LRGUK: variants seen among roughly 807,000 people sequenced by gnomAD.
LRGUK encodes leucine rich repeats and guanylate kinase domain containing.
In LRGUK, 65 loss-of-function variants were observed where a neutral mutation model predicts 76.0. The observed-to-expected ratio is 0.85, with a 90% CI of 0.70 to 1.05. The LOEUF is 1.05. LRGUK is among the 50% of genes least tolerant of loss of function. The pLI is 0.00. For missense variants in LRGUK, 758 were observed against 732.8 expected (o/e 1.03, Z -0.40); for synonymous variants, 268 against 265.6 (o/e 1.01, Z -0.09).
At chr7:134,176,398 T>G (rs2116990329) in intron 8 of LRGUK, among the ~76,000 whole-genome samples, 1 of 152,158 alleles carries the variant, frequency 6.6e-6, no homozygotes, top group South Asian at 2.1e-4. Flanking sequence ...AATTTTTTTT[T>G]CGACAGAGTC....
At chr7:134,203,663 A>G (rs1284010559) in intron 15 of LRGUK, among the ~76,000 whole-genome samples, 1 of 152,176 alleles carries the variant, frequency 6.6e-6, no homozygotes. Flanking sequence ...GACCTGTCTT[A>G]AAATAGGAAT....
intron 16 of LRGUK, among the ~76,000 whole-genome samples, chr7:134,242,310 A>C (rs967569324): frequency 6.6e-6 from 1 of 152,226 alleles, no homozygotes; most frequent in African/African-American, 2.4e-5. Context: ...CGCTAGCAAG[A>C]CTAATAAAGA....
chr7:134,253,571 T>G (rs994061183), intron 18 of LRGUK, among the ~76,000 whole-genome samples: 1 of 152,194 alleles, frequency 6.6e-6, no homozygotes, highest in Non-Finnish European at 1.5e-5. Flanking sequence ...TCCCAGCACT[T>G]TGGGAGGCCC....
At chr7:134,207,319 C>T (rs907362095) in intron 15 of LRGUK, among the ~76,000 whole-genome samples, 2 of 152,180 alleles carry the variant, frequency 1.3e-5, no homozygotes, top group African/African-American at 4.8e-5. Flanking sequence ...ATCTATTACT[C>T]CCCTCAACTC....
chr7:134,255,400 A>G (rs1286648866), intron 18 of LRGUK, among the ~76,000 whole-genome samples: 5 of 152,240 alleles, frequency 3.3e-5, no homozygotes, highest in Non-Finnish European at 5.9e-5. Flanking sequence ...TCTGAACCAA[A>G]GCCAAAAGGC....
At chr7:134,253,472 G>A (rs1585604540) in intron 18 of LRGUK, among the ~76,000 whole-genome samples, 1 of 152,288 alleles carries the variant, frequency 6.6e-6, no homozygotes, top group East Asian at 1.9e-4. Context: ...AGTGAGTTAA[G>A]TTCTTCCGTA....
At chr7:134,266,251 A>C (rs1802852950), downstream of LRGUK, among the ~76,000 whole-genome samples, 1 of 147,472 alleles carries the variant, frequency 6.8e-6, no homozygotes, top group African/African-American at 2.7e-5. Context: ...ATCAAGAATT[A>C]GGAAAATGTC....
the LRGUK span, among the ~76,000 whole-genome samples, chr7:134,269,945 C>T: frequency 6.6e-6 from 1 of 152,144 alleles, no homozygotes; most frequent in Non-Finnish European, 1.5e-5. Flanking sequence ...GGACCTTCCT[C>T]AATTTGCTGA....
chr7:134,215,741 C>T (rs1192843629), intron 15 of LRGUK, among the ~76,000 whole-genome samples: 2 of 152,082 alleles, frequency 1.3e-5, no homozygotes, highest in African/African-American at 2.4e-5. Context: ...TATTTATATA[C>T]TATGTAGCAC....
At chr7:134,199,789 A>C (rs527925182) in intron 14 of LRGUK, among the ~76,000 whole-genome samples, 47 of 151,662 alleles carry the variant, frequency 3.1e-4, no homozygotes, top group South Asian at 1.2e-3. Context: ...GTAGGTTAAA[A>C]ACCCAACTAC....
intron 10 of LRGUK, among the ~76,000 whole-genome samples, chr7:134,180,963 A>G (rs998477301): frequency 6.6e-6 from 1 of 152,184 alleles, no homozygotes; most frequent in Non-Finnish European, 1.5e-5. Flanking sequence ...TGCCTATTCT[A>G]TATATTTCAT....
chr7:134,195,559 T>C (rs997383164), intron 12 of LRGUK, among the ~76,000 whole-genome samples: 3 of 152,172 alleles, frequency 2.0e-5, no homozygotes, highest in Non-Finnish European at 4.4e-5. Context: ...TATTGAGGCC[T>C]TCAACTGATT....
intron 15 of LRGUK, among the ~76,000 whole-genome samples, chr7:134,208,460 C>A (rs147035726): frequency 1.8e-4 from 28 of 152,214 alleles, no homozygotes; most frequent in African/African-American, 6.7e-4. Flanking sequence ...AGACATAAAC[C>A]TCTTATGTTT....
At chr7:134,169,901 T>C (rs1323801038) in intron 7 of LRGUK, among the ~76,000 whole-genome samples, 1 of 152,128 alleles carries the variant, frequency 6.6e-6, no homozygotes, top group Non-Finnish European at 1.5e-5. Flanking sequence ...TTACTGGATA[T>C]AGGCATTTTT....
rs940235488 is a variant in LRGUK, at chr7:134,210,211, C to T, written c.3348C>T (p.Pro1116=). 11 of 399,090 alleles carry T rather than the reference C, an allele frequency of 2.8e-5. 1 individual carries two copies. The highest frequency in any genetic ancestry group is 8.8e-5 in the Admixed American group (2 of 22,708). The allele number at this position is 399,090 out of a possible 1,614,324, so 24.7% of individuals were successfully genotyped here. Residue 1116 remains proline (P), a synonymous_variant, in exon 16 of 16, where the codon CCC becomes CCT. Transcript: ENST00000645682. ...ATCAGCCAGCTCCCACCATGGTGCC[C>T]GACGATCCCAACCCCAGCCCTCCTC...
At chr7:134,272,083 C>T in the LRGUK span, among the ~76,000 whole-genome samples, 2 of 152,058 alleles carry the variant, frequency 1.3e-5, no homozygotes, top group African/African-American at 4.8e-5. Flanking sequence ...TAACGAGCAT[C>T]CTTGTCTCAC....
At position 134,210,185 on chromosome 7, in the gene LRGUK, G is replaced by A. The variant is rs116581311; in HGVS notation, c.3322G>A (p.Asp1108Asn). ...GCCAGCCTTGCAGCTAGAACCCCACGATCAGCCAGCTCCCACCATGGTGCC... is the reference window on the plus strand; with the variant it reads ...GCCAGCCTTGCAGCTAGAACCCCACAATCAGCCAGCTCCCACCATGGTGCC... The change falls in exon 16 of 16, where the codon GAT becomes AAT. Residue 1108 changes from aspartate to asparagine, a missense_variant. Coordinates refer to ENST00000645682, the Ensembl canonical transcript of LRGUK. The A allele has an allele frequency of 2.8e-5, 11 of 399,326 alleles. No homozygotes were observed. The South Asian group carries it at 3.8e-4, about 14-fold the overall frequency. The allele number at this position is 399,326 out of a possible 1,614,324, so 24.7% of individuals were successfully genotyped here. A position where few individuals can be genotyped will look rare whatever the true frequency, so the allele number is the denominator to read the frequency against.
downstream of LRGUK, among the ~76,000 whole-genome samples, chr7:134,212,325 G>C (rs1585564619): frequency 6.6e-6 from 1 of 152,218 alleles, no homozygotes; most frequent in Admixed American, 6.5e-5. Flanking sequence ...CTCAAGATGT[G>C]ACTCTTAAAA....
At chr7:134,258,906 G>C (rs1446939555) in intron 19 of LRGUK, among the ~76,000 whole-genome samples, 1 of 152,072 alleles carries the variant, frequency 6.6e-6, no homozygotes, top group Non-Finnish European at 1.5e-5. Context: ...AGAAAGGTGG[G>C]GAATCCACCC....
Sources: gnomAD v4.1 joint callset for allele counts (sites outside exome capture counted in the v4.1 genomes callset) on GRCh38, gnomAD v4.1.1 for gene constraint, MANE v1.5 for transcripts, NCBI Gene and HGNC (gene_info 2026-07-23, HGNC 2026-07-21) for gene names.